PPIL6: variants seen among roughly 807,000 people sequenced by gnomAD.
PPIL6 encodes probable inactive peptidyl-prolyl cis-trans isomerase-like 6.
PPIL6 carries 39 observed loss-of-function variants against 36.8 expected under a neutral mutation model. The observed-to-expected ratio is 1.06, with a 90% CI of 0.82 to 1.38. The LOEUF (loss-of-function observed/expected upper bound fraction) is 1.38, where lower values mean the gene tolerates loss of function less well. PPIL6 is among the 40% of genes most tolerant of loss of function. The pLI is 0.00. For synonymous variants in PPIL6, 123 were observed against 134.1 expected (o/e 0.92, Z 0.57); for missense variants, 368 against 379.1 (o/e 0.97, Z 0.24).
chr6:109,395,993 C>T (rs1268473871), intron 7 of PPIL6, among the ~76,000 whole-genome samples: 5 of 151,774 alleles, frequency 3.3e-5, no homozygotes, highest in African/African-American at 4.8e-5. Flanking sequence ...CCACCACGCC[C>T]GGCTAATTTT....
intron 7 of PPIL6, among the ~76,000 whole-genome samples, chr6:109,393,325 T>C (rs1317549314): frequency 6.6e-6 from 1 of 152,008 alleles, no homozygotes; most frequent in African/African-American, 2.4e-5. Context: ...TAAGTGATCC[T>C]CCTGCCTCAG....
At chr6:109,400,268 A>C in intron 6 of PPIL6, 98 bp from the exon 7 acceptor site, 208 of 914,370 alleles carry the variant, frequency 2.3e-4, no homozygotes, top group Non-Finnish European at 3.0e-4. Context: ...TAACACTCTC[A>C]ATCATATTTA....
rs1554218754 is a variant in PPIL6 at position 109,400,188 on chromosome 6, C to T, written c.689-18G>A. The T allele has an allele frequency of 1.9e-6, 3 of 1,599,314 alleles. No individual in the cohort carries two copies. The highest frequency in any genetic ancestry group is 3.4e-5 in the Admixed American group (2 of 59,384). Reference sequence around the variant, plus strand: ...GTTTTCATCTAGGAAAGACAATAATCAGTAGGTCATTAGCACATTTCTATT... The same window carrying T: ...GTTTTCATCTAGGAAAGACAATAATTAGTAGGTCATTAGCACATTTCTATT... On this transcript the variant is annotated intron_variant, in intron 6 of 7. Transcript: ENST00000521072.
At chr6:109,440,651 G>T, upstream of PPIL6, 1 of 1,155,228 alleles carries the variant, frequency 8.7e-7, no homozygotes, top group Non-Finnish European at 1.1e-6. Context: ...CAACCGCGCG[G>T]CCCCGCCTCC....
intron 2 of PPIL6, among the ~76,000 whole-genome samples, chr6:109,434,547 G>T (rs1345657353): frequency 6.6e-6 from 1 of 152,114 alleles, no homozygotes; most frequent in Non-Finnish European, 1.5e-5. Flanking sequence ...AACATGTGAG[G>T]CTTAACAAAT....
intron 6 of PPIL6, among the ~76,000 whole-genome samples, chr6:109,401,026 ATTTTT>A (rs749611966): frequency 7.0e-5 from 8 of 114,922 alleles, no homozygotes; most frequent in African/African-American, 2.6e-4. Context: ...TGCCCGGCTA[ATTTTT>A]TTTTTTTTTT....
At position 109,419,210 on chromosome 6, in the gene PPIL6, G is replaced by A. The variant is rs528544666; in HGVS notation, c.665C>T (p.Ser222Leu). Residue 222 changes from serine to leucine, a missense_variant, in exon 6 of 8, where the codon TCG (serine) becomes TTG (leucine). By Grantham distance (145) the Ser-to-Leu change is moderately radical (BLOSUM62 -2). Transcript: ENST00000521072. ...IVYGKGDNGE[S>L]IYGPTFEDEN... ...ACCTTCAAATGTTGGACCATAAATC[G>A]ACTCTCCATTATCTCCTTTTCCATA... The A allele has an allele frequency of 1.3e-5, 20 of 1,565,222 alleles. No individual in the cohort carries two copies. In the Middle Eastern group the frequency reaches 6.7e-4, roughly 52 times the overall value.
chr6:109,436,695 T>C (rs1373472239), intron 1 of PPIL6, among the ~76,000 whole-genome samples: 2 of 152,146 alleles, frequency 1.3e-5, no homozygotes, highest in African/African-American at 4.8e-5. Flanking sequence ...CACTCCAGCC[T>C]GGGTGACAGA....
chr6:109,390,828 G>A lies in PPIL6; in HGVS notation c.*1998C>T, dbSNP rs1562250881. 7 of 152,270 alleles carry A rather than the reference G, an allele frequency of 4.6e-5. No homozygotes were observed. The South Asian group carries it at 1.5e-3, about 32-fold the overall frequency. The allele number at this position is 152,270 out of a possible 1,614,324, so 9.4% of individuals were successfully genotyped here. On this transcript the variant is annotated 3_prime_UTR_variant, in exon 8 of 8. Transcript: ENST00000521072. The stretch of plus-strand genomic sequence containing the variant: ...GGTGAAAGGTACACAGGACTGCTCT[G>A]TACTATTTTTGCAACTTCCTGTGAA...
intron 6 of PPIL6, among the ~76,000 whole-genome samples, chr6:109,403,991 C>T (rs989986957): frequency 2.6e-5 from 4 of 152,172 alleles, no homozygotes; most frequent in African/African-American, 9.7e-5. Context: ...TTCACAGTTA[C>T]TCATCTTTCC....
At chr6:109,426,783 A>G in intron 5 of PPIL6, 64 bp downstream of exon 5, 1 of 1,120,358 alleles carries the variant, frequency 8.9e-7, no homozygotes, top group Non-Finnish European at 1.2e-6. Flanking sequence ...CATAAAGATA[A>G]ATGAAAGTTT....
chr6:109,398,699 A>C (rs1046968844), intron 7 of PPIL6, among the ~76,000 whole-genome samples: 3 of 152,224 alleles, frequency 2.0e-5, no homozygotes, highest in Admixed American at 1.3e-4. Flanking sequence ...TTCAGTAAAA[A>C]AAGTTATATG....
chr6:109,414,508 A>C (rs1428047416), intron 6 of PPIL6, among the ~76,000 whole-genome samples: 1 of 110,516 alleles, frequency 9.0e-6, no homozygotes, highest in Non-Finnish European at 1.7e-5. Context: ...TTTTTGAGAC[A>C]AGGTCTTGCT....
chr6:109,420,370 A>T (rs1473037127), intron 5 of PPIL6, among the ~76,000 whole-genome samples: 2 of 151,018 alleles, frequency 1.3e-5, no homozygotes, highest in Admixed American at 1.3e-4. Flanking sequence ...AAAGAATATG[A>T]ATAAAAAATA....
chr6:109,405,539 C>G (rs947604773), intron 6 of PPIL6, among the ~76,000 whole-genome samples: 1 of 152,182 alleles, frequency 6.6e-6, no homozygotes, highest in African/African-American at 2.4e-5. Context: ...TCTGTCCTGT[C>G]AGTTCTGCTA....
At chr6:109,397,695 T>C (rs1375387942) in intron 7 of PPIL6, among the ~76,000 whole-genome samples, 5 of 152,076 alleles carry the variant, frequency 3.3e-5, no homozygotes, top group Non-Finnish European at 5.9e-5. Flanking sequence ...GCTGTGCAGA[T>C]GTGGAGGTGG....
chr6:109,435,207 AG>A (rs1239754175), intron 2 of PPIL6, among the ~76,000 whole-genome samples: 18 of 152,090 alleles, frequency 1.2e-4, no homozygotes, highest in African/African-American at 4.3e-4. Context: ...GCAGGGAGAC[AG>A]GGTAACTAAC....
chr6:109,415,952 T>G (rs905644905), intron 6 of PPIL6, among the ~76,000 whole-genome samples: 1 of 152,186 alleles, frequency 6.6e-6, no homozygotes, highest in African/African-American at 2.4e-5. Flanking sequence ...AGTCCCTTAC[T>G]GGCAAGGTAC....
At chr6:109,401,686 T>C (rs1772545946) in intron 6 of PPIL6, among the ~76,000 whole-genome samples, 1 of 151,950 alleles carries the variant, frequency 6.6e-6, no homozygotes, top group Non-Finnish European at 1.5e-5. Flanking sequence ...GAAAATTGCA[T>C]GAAATGGAAA....
Sources: allele counts gnomAD v4.1 joint callset (sites outside exome capture counted in the v4.1 genomes callset), GRCh38; gene constraint gnomAD v4.1.1; transcripts MANE v1.5; gene names NCBI Gene and HGNC (gene_info 2026-07-23, HGNC 2026-07-21).